The following MRPS27 variants were observed in gnomAD, a reference collection of about 807,000 sequenced individuals.
MRPS27 encodes the protein small ribosomal subunit protein mS27.
In MRPS27, 43 loss-of-function variants were observed where a neutral mutation model predicts 48.9. The observed-to-expected ratio is 0.88, with a 90% CI of 0.69 to 1.13. The LOEUF (loss-of-function observed/expected upper bound fraction) is 1.13, where lower values mean the gene tolerates loss of function less well. Ranked by LOEUF, MRPS27 falls within the 50% of genes most tolerant of loss-of-function variation. The pLI is 0.00. For synonymous variants in MRPS27, 188 were observed against 171.9 expected, an observed-to-expected ratio of 1.09 and a Z score of -0.73; for missense variants, 467 against 476.3, an observed-to-expected ratio of 0.98 and a Z score of 0.18.
chr5:72,223,874 C>A, intron 9 of MRPS27, 24 bp from the exon 10 acceptor site: 3 of 1,607,340 alleles, frequency 1.9e-6, no homozygotes, highest in Non-Finnish European at 2.6e-6. Flanking sequence ...AGAGGGTCAG[C>A]AACCAAATGT....
intron 9 of MRPS27, among the ~76,000 whole-genome samples, chr5:72,224,457 A>G (rs1403151935): frequency 6.6e-6 from 1 of 152,236 alleles, no homozygotes; most frequent in African/African-American, 2.4e-5. Context: ...TTAGCCAGAC[A>G]GGAATCCAGG....
At chr5:72,297,573 A>G in intron 3 of MRPS27, 59 bp downstream of exon 3, 1 of 1,056,028 alleles carries the variant, frequency 9.5e-7, no homozygotes, top group Non-Finnish European at 1.4e-6. Flanking sequence ...ATCTACATGA[A>G]GGGCCTTTCT....
intron 4 of MRPS27, among the ~76,000 whole-genome samples, chr5:72,282,378 G>A (rs532935200): frequency 7.2e-5 from 11 of 152,140 alleles, no homozygotes; most frequent in South Asian, 2.1e-4. Context: ...ATCAAACTGC[G>A]TTACACTTAA....
At chr5:72,302,781 C>A (rs562328364) in intron 2 of MRPS27, among the ~76,000 whole-genome samples, 201 of 152,268 alleles carry the variant, frequency 1.3e-3, no homozygotes, top group African/African-American at 4.7e-3. Flanking sequence ...GAGGATAAAA[C>A]CAATACTTGT....
At chr5:72,271,560 T>C (rs1262212623) in intron 4 of MRPS27, among the ~76,000 whole-genome samples, 1 of 152,140 alleles carries the variant, frequency 6.6e-6, no homozygotes, top group Non-Finnish European at 1.5e-5. Context: ...ACTAATGAGA[T>C]ATGACAGGTA....
intron 4 of MRPS27, among the ~76,000 whole-genome samples, chr5:72,288,585 C>G (rs901064290): frequency 6.6e-6 from 1 of 152,208 alleles, no homozygotes; most frequent in African/African-American, 2.4e-5. Context: ...GACCAACGAT[C>G]TGCTATTTTC....
chr5:72,279,835 T>C (rs1749487414), intron 4 of MRPS27, among the ~76,000 whole-genome samples: 1 of 152,208 alleles, frequency 6.6e-6, no homozygotes, highest in Non-Finnish European at 1.5e-5. Context: ...TCTCCTATAT[T>C]TCCTTCTAAA....
rs1027401601 is a variant in MRPS27, at chr5:72,225,933, T to C, written c.837+124A>G. On this transcript the variant is annotated intron_variant, in intron 9 of 10. Coordinates refer to ENST00000261413, the MANE Select transcript of MRPS27 (RefSeq NM_015084.3). ...GTGGTTTTGCATTTTTTCGACTTGA[T>C]AAATACCTATTCTATAGACATATAG... is the stretch of plus-strand genomic sequence containing the variant. 5 of 1,138,870 alleles carry C rather than the reference T, an allele frequency of 4.4e-6. No homozygotes were observed. In the Admixed American group the frequency reaches 1.2e-4, roughly 27 times the overall value. 70.5% of individuals were successfully genotyped at this position (1,138,870 alleles called of 1,614,324 possible).
chr5:72,271,679 T>C lies in MRPS27; in HGVS notation c.281+23852A>G, dbSNP rs567900060. Among the ~76,000 whole-genome samples the C allele has an allele frequency of 3.9e-5, 6 of 152,346 alleles. No homozygotes were observed. In the East Asian group the frequency reaches 5.8e-4, roughly 15 times the overall value. ...TTTGAATATGGACTGTATTATAGTA[T>C]TGTAATTCTGTTAAATGTTCTGATT... On this transcript the variant is annotated intron_variant, in intron 4 of 10. Coordinates refer to ENST00000261413, the MANE Select transcript of MRPS27 (RefSeq NM_015084.3).
At chr5:72,224,902 C>T (rs895156729) in intron 9 of MRPS27, among the ~76,000 whole-genome samples, 2 of 152,262 alleles carry the variant, frequency 1.3e-5, no homozygotes, top group Middle Eastern at 3.4e-3. Context: ...CTACCTGAAA[C>T]GAATTAATCC....
At chr5:72,272,697 T>C (rs2112019863) in intron 4 of MRPS27, among the ~76,000 whole-genome samples, 1 of 152,320 alleles carries the variant, frequency 6.6e-6, no homozygotes, top group African/African-American at 2.4e-5. Flanking sequence ...GTATAGGCTG[T>C]GTCCTGTGAG....
rs1270713207 is a variant in MRPS27, at chr5:72,317,607, A to T, written c.73+2542T>A. Among the ~76,000 whole-genome samples the T allele has an allele frequency of 3.9e-5, 6 of 152,206 alleles. No homozygotes were observed. The South Asian group carries it at 8.3e-4, about 21-fold the overall frequency. ...TGGCCAGGCTGGTCTCAAACTCCTG[A>T]CCTCAGGTGATCCACCCACCTCAGC... On this transcript the variant is annotated intron_variant, in intron 1 of 10. Coordinates refer to ENST00000261413, the MANE Select transcript of MRPS27 (RefSeq NM_015084.3).
intron 4 of MRPS27, 116 bp from the exon 5 acceptor site, chr5:72,238,244 T>C: frequency 3.1e-6 from 2 of 655,480 alleles, no homozygotes; most frequent in South Asian, 2.0e-5. Flanking sequence ...CAGAAATTCA[T>C]AAAAGTCAAC....
Position 72,238,070 on chromosome 5 carries a change from T to A in MRPS27, c.340A>T (p.Arg114Trp). 1 of 1,613,620 alleles carries A rather than the reference T, an allele frequency of 6.2e-7. No homozygotes were observed. Among genetic ancestry groups the A allele is most frequent in the Non-Finnish European group, 8.5e-7 (1 of 1,179,678 alleles). The part of the protein sequence containing the change: ...LRNWTIHTWI[R>W]QCLKYDAQDK... ...TGTGCATCATATTTTAGACACTGCC[T>A]AATCCAGGTGTGGATAGTCCAGTTT... The change falls in exon 5 of 11, where the codon AGG (arginine) becomes TGG (tryptophan). Residue 114 changes from arginine to tryptophan, a missense_variant. Transcript: ENST00000261413.
intron 4 of MRPS27, among the ~76,000 whole-genome samples, chr5:72,263,823 G>A (rs532318220): frequency 6.6e-6 from 1 of 152,120 alleles, no homozygotes; most frequent in Admixed American, 6.6e-5. Context: ...TGGCCACTAT[G>A]GAAAATAGTT....
At chr5:72,255,029 C>CTTTTTTTTTTTTTTTTT (rs70999273) in intron 4 of MRPS27, among the ~76,000 whole-genome samples, 1 of 72,092 alleles carries the variant, frequency 1.4e-5, no homozygotes, top group Non-Finnish European at 2.8e-5. Context: ...CATTTCTTTT[C>CTTTTTTTTTTTTTTTTT]TTTTTTTTTT....
At chr5:72,234,024 A>G in intron 6 of MRPS27, 95 bp downstream of exon 6, 1 of 1,280,146 alleles carries the variant, frequency 7.8e-7, no homozygotes, top group Non-Finnish European at 1.0e-6. Context: ...AAGAGATGTT[A>G]TTAAGAAATA....
At chr5:72,257,241 C>T (rs1355757664) in intron 4 of MRPS27, among the ~76,000 whole-genome samples, 1 of 152,152 alleles carries the variant, frequency 6.6e-6, no homozygotes, top group African/African-American at 2.4e-5. Context: ...TCTCTGTTAT[C>T]GTTTCCAGCG....
intron 4 of MRPS27, among the ~76,000 whole-genome samples, chr5:72,257,647 CTGT>C (rs1437006866): frequency 6.6e-6 from 1 of 152,100 alleles, no homozygotes; most frequent in African/African-American, 2.4e-5. Flanking sequence ...TAGTATTTTA[CTGT>C]TGTTATTATT....
Sources: gnomAD v4.1 joint callset for allele counts (sites outside exome capture counted in the v4.1 genomes callset) on GRCh38, gnomAD v4.1.1 for gene constraint, MANE v1.5 for transcripts, NCBI Gene and HGNC (gene_info 2026-07-23, HGNC 2026-07-21) for gene names.